Variants in ZNF730 observed in about 807,000 individuals in gnomAD.
The protein encoded by ZNF730 is putative zinc finger protein 730.
A neutral mutation model predicts 12.6 loss-of-function variants in ZNF730; 12 were observed. The observed-to-expected ratio is 0.95, with a 90% CI of 0.61 to 1.54. ZNF730 has a LOEUF of 1.54. Ranked by LOEUF, ZNF730 falls within the 40% of genes most tolerant of loss-of-function variation. The pLI is 0.00. For synonymous variants in ZNF730, 194 were observed against 195.8 expected (o/e 0.99, Z 0.08); for missense variants, 643 against 583.5 (o/e 1.10, Z -1.05).
upstream of ZNF730, among the ~76,000 whole-genome samples, chr19:23,112,376 G>A (rs1329523184): frequency 6.6e-6 from 1 of 152,084 alleles, no homozygotes; most frequent in African/African-American, 2.4e-5. Flanking sequence ...ATACTTATAT[G>A]TAGAGAATTT....
At chr19:23,107,894 T>G (rs1271616038) in intron 1 of ZNF730, among the ~76,000 whole-genome samples, 1 of 152,182 alleles carries the variant, frequency 6.6e-6, no homozygotes, top group Non-Finnish European at 1.5e-5. Context: ...CATGGTATGT[T>G]TTTTATTTTA....
chr19:23,146,531 C>T lies in ZNF730; in HGVS notation c.1487C>T (p.Thr496Ile). The change falls in exon 4 of 4, where the codon ACT becomes ATT. Residue 496 changes from threonine to isoleucine, a missense_variant. Transcript: ENST00000597761. Reference sequence around the variant, plus strand: ...GCCTTTAGGCGGTTCTCACACCTTACTAGGCATAAGACAATTCATACATAA... The same window carrying T: ...GCCTTTAGGCGGTTCTCACACCTTATTAGGCATAAGACAATTCATACATAA... ...GKAFRRFSHL[T>I]RHKTIHT is the part of the protein sequence containing the mutation. 1.3e-6 allele frequency: 2 copies of T among 1,583,142 alleles called. No homozygotes were observed. Among genetic ancestry groups the T allele is most frequent in the Non-Finnish European group, 8.6e-7 (1 of 1,167,402 alleles).
chr19:23,119,961 G>A (rs1970578803), intron 1 of ZNF730, among the ~76,000 whole-genome samples: 1 of 150,260 alleles, frequency 6.7e-6, no homozygotes, highest in African/African-American at 2.4e-5. Flanking sequence ...ATTCAGCTGT[G>A]AATCTGTCTG....
intron 1 of ZNF730, among the ~76,000 whole-genome samples, chr19:23,130,351 C>G (rs1298066765): frequency 6.6e-6 from 1 of 152,198 alleles, no homozygotes; most frequent in African/African-American, 2.4e-5. Flanking sequence ...GAGGCCTCCT[C>G]AGCCACGTAG....
intron 1 of ZNF730, among the ~76,000 whole-genome samples, chr19:23,117,474 A>G (rs1239090847): frequency 6.6e-6 from 1 of 152,168 alleles, no homozygotes; most frequent in East Asian, 1.9e-4. Flanking sequence ...ACCAGAGAGG[A>G]TCGTCAGAGG....
intron 1 of ZNF730, chr19:23,126,663 T>TG (rs1970673538): frequency 2.1e-6 from 1 of 481,736 alleles, no homozygotes; most frequent in South Asian, 1.7e-5. Context: ...TTCCACTAGT[T>TG]TTTTTTTTTT....
intron 1 of ZNF730, among the ~76,000 whole-genome samples, chr19:23,108,026 T>C (rs1477240463): frequency 6.6e-6 from 1 of 152,178 alleles, no homozygotes; most frequent in Non-Finnish European, 1.5e-5. Flanking sequence ...TCAGTATATA[T>C]GGAACTGGGT....
At chr19:23,142,109 A>C (rs1469938449) in intron 3 of ZNF730, among the ~76,000 whole-genome samples, 2 of 152,152 alleles carry the variant, frequency 1.3e-5, no homozygotes, top group African/African-American at 2.4e-5. Context: ...AATGTTTCAT[A>C]GGTTCCCAGT....
chr19:23,126,514 CAAAAAT>C, intron 1 of ZNF730: 1 of 390,208 alleles, frequency 2.6e-6, no homozygotes, highest in Middle Eastern at 4.1e-4. Flanking sequence ...ATTAAGAAAA[CAAAAAT>C]AAAATTTGAA....
At chr19:23,117,882 CA>C (rs201576085) in intron 1 of ZNF730, among the ~76,000 whole-genome samples, 1,709 of 152,130 alleles carry the variant, frequency 0.011, 30 homozygotes, top group African/African-American at 0.039. Context: ...ATTTGAGTTA[CA>C]TTTTTTTTTA....
upstream of ZNF730, among the ~76,000 whole-genome samples, chr19:23,115,739 G>A (rs1049497366): frequency 6.6e-6 from 1 of 152,128 alleles, no homozygotes; most frequent in Non-Finnish European, 1.5e-5. Flanking sequence ...TAGTCAAGAA[G>A]CAGTTGTTGA....
intron 3 of ZNF730, among the ~76,000 whole-genome samples, chr19:23,137,777 A>AG: frequency 6.6e-6 from 1 of 152,212 alleles, no homozygotes; most frequent in South Asian, 2.1e-4. Context: ...TATAGTGGAG[A>AG]GGGGTTGTAG....
chr19:23,133,316 G>C (rs890258652), intron 1 of ZNF730, among the ~76,000 whole-genome samples: 2 of 151,980 alleles, frequency 1.3e-5, no homozygotes, highest in Non-Finnish European at 2.9e-5. Flanking sequence ...TGGCATCACT[G>C]GTCATCTTGT....
chr19:23,118,328 G>A (rs1053703589), intron 1 of ZNF730, among the ~76,000 whole-genome samples: 17 of 150,320 alleles, frequency 1.1e-4, no homozygotes, highest in Admixed American at 1.1e-3. Context: ...TAGGCACAGA[G>A]ATCTTGTGAA....
At chr19:23,101,789 C>T (rs1434703502) in intron 1 of ZNF730, among the ~76,000 whole-genome samples, 7 of 152,234 alleles carry the variant, frequency 4.6e-5, no homozygotes, top group Middle Eastern at 6.8e-3. Context: ...AGGCTGGTCT[C>T]GAACTCCTGA....
intron 1 of ZNF730, among the ~76,000 whole-genome samples, chr19:23,122,853 G>C (rs1238860404): frequency 6.6e-6 from 1 of 152,008 alleles, no homozygotes; most frequent in South Asian, 2.1e-4. Flanking sequence ...CTGAATTATG[G>C]TTATAGATAT....
chr19:23,091,024 A>G (rs2145486327), intron 1 of ZNF730, among the ~76,000 whole-genome samples: 1 of 152,086 alleles, frequency 6.6e-6, no homozygotes, highest in South Asian at 2.1e-4. Flanking sequence ...AGAAAAAGAA[A>G]AAGTGGTTTT....
intron 1 of ZNF730, among the ~76,000 whole-genome samples, chr19:23,124,307 C>T (rs1369092038): frequency 6.6e-6 from 1 of 152,188 alleles, no homozygotes; most frequent in South Asian, 2.1e-4. Context: ...TAAATGTAAA[C>T]AAGCATCTTA....
intron 3 of ZNF730, among the ~76,000 whole-genome samples, chr19:23,142,634 G>C (rs1422794957): frequency 7.0e-6 from 1 of 142,528 alleles, no homozygotes; most frequent in Non-Finnish European, 1.5e-5. Context: ...CTTGCAGTGA[G>C]CCAAGATCGC....
Sources: allele counts gnomAD v4.1 joint callset (sites outside exome capture counted in the v4.1 genomes callset), GRCh38; gene constraint gnomAD v4.1.1; transcripts MANE v1.5; gene names NCBI Gene and HGNC (gene_info 2026-07-23, HGNC 2026-07-21).